Variants in MYO1B observed in about 807,000 individuals in gnomAD.
MYO1B encodes the protein myosin IB.
Under a neutral mutation model 159.7 loss-of-function variants are expected in MYO1B, and 72 were observed. That is an observed-to-expected ratio of 0.45 (90% CI 0.37 to 0.55). MYO1B has a LOEUF of 0.55. Among genes scored for constraint, MYO1B ranks in the 20% least tolerant of loss-of-function variants. MYO1B has a pLI of 0.00. For missense variants in MYO1B, 1,062 were observed against 1,364.8 expected (o/e 0.78, Z 3.50); for synonymous variants, 468 against 473.8 (o/e 0.99, Z 0.16).
At chr2:191,302,702 G>A (rs1453812413) in intron 3 of MYO1B, among the ~76,000 whole-genome samples, 1 of 152,176 alleles carries the variant, frequency 6.6e-6, no homozygotes, top group East Asian at 1.9e-4. Context: ...AGGATATAAT[G>A]TGATGGCCAT....
At position 191,375,498 on chromosome 2, in the gene MYO1B, T is replaced by TAGATAGAC. The variant is rs879281601; in HGVS notation, c.1185+5213_1185+5214insCAGATAGA. Among the ~76,000 whole-genome samples the TAGATAGAC allele has an allele frequency of 9.6e-3, 1,457 of 152,004 alleles. 57 individuals carry two copies. The highest frequency in any genetic ancestry group is 0.073 in the Admixed American group (1,108 of 15,242). ...ATAGATAGATAGATAGATAGATAGA[T>TAGATAGAC]AGATAGATAGATAGATGGATCCAAC... On this transcript the variant is annotated intron_variant, in intron 13 of 30. Coordinates refer to ENST00000392318, the MANE Select transcript of MYO1B (RefSeq NM_001130158.3).
chr2:191,291,621 C>T (rs1046098355), intron 2 of MYO1B, among the ~76,000 whole-genome samples: 23 of 152,196 alleles, frequency 1.5e-4, no homozygotes, highest in African/African-American at 5.1e-4. Flanking sequence ...GGTTCAGAAA[C>T]GTGGAGGGGT....
At chr2:191,265,752 C>G (rs1217002661) in intron 1 of MYO1B, among the ~76,000 whole-genome samples, 2 of 152,194 alleles carry the variant, frequency 1.3e-5, no homozygotes, top group Non-Finnish European at 2.9e-5. Flanking sequence ...GCATGTTCCC[C>G]TGTACAGCTG....
chr2:191,393,912 G>A (rs914276107), intron 20 of MYO1B, among the ~76,000 whole-genome samples: 11 of 152,264 alleles, frequency 7.2e-5, no homozygotes, highest in Non-Finnish European at 1.3e-4. Flanking sequence ...AACTTGGGCT[G>A]TGTTCTCACA....
intron 1 of MYO1B, among the ~76,000 whole-genome samples, chr2:191,247,382 GA>G (rs994452708): frequency 6.6e-6 from 1 of 152,070 alleles, no homozygotes; most frequent in Non-Finnish European, 1.5e-5. Flanking sequence ...TGCTGTGGGG[GA>G]AAAAAATATC....
rs1336185325 is a variant in MYO1B, at chr2:191,383,298, A to G, written c.1309A>G (p.Ile437Val). The G allele has an allele frequency of 2.5e-6, 4 of 1,578,392 alleles. No homozygotes were observed. The East Asian group carries it at 9.7e-5, about 38-fold the overall frequency. Reference protein sequence around the residue: ...YIREDIEWTHIDYFNNAIICD... With the variant: ...YIREDIEWTHVDYFNNAIICD... ...CTTTTAGGATATAGAATGGACTCACATTGACTACTTCAATAATGCTATCAT... is the reference window on the plus strand; with the variant it reads ...CTTTTAGGATATAGAATGGACTCACGTTGACTACTTCAATAATGCTATCAT... Residue 437 changes from isoleucine (I) to valine (V), a missense_variant, in exon 15 of 31, where the codon ATT (isoleucine) becomes GTT (valine). Coordinates refer to ENST00000392318, the MANE Select transcript of MYO1B (RefSeq NM_001130158.3).
At chr2:191,377,216 G>A (rs1044054709) in intron 13 of MYO1B, among the ~76,000 whole-genome samples, 12 of 152,142 alleles carry the variant, frequency 7.9e-5, no homozygotes, top group African/African-American at 2.9e-4. Flanking sequence ...CTTGCTGTTT[G>A]CCTTTGTTCT....
intron 11 of MYO1B, among the ~76,000 whole-genome samples, chr2:191,364,804 C>G (rs1016611800): frequency 1.3e-5 from 2 of 150,370 alleles, no homozygotes; most frequent in Non-Finnish European, 2.9e-5. Flanking sequence ...GAAGTGGTCA[C>G]ATTGTGGATA....
intron 4 of MYO1B, among the ~76,000 whole-genome samples, chr2:191,339,417 T>G (rs1692070685): frequency 6.6e-6 from 1 of 152,226 alleles, no homozygotes; most frequent in African/African-American, 2.4e-5. Context: ...TCACCAGCTT[T>G]TTTCTAGATA....
intron 1 of MYO1B, among the ~76,000 whole-genome samples, chr2:191,264,245 C>G (rs747458512): frequency 6.6e-6 from 1 of 152,158 alleles, no homozygotes; most frequent in Non-Finnish European, 1.5e-5. Flanking sequence ...GATCAATTCT[C>G]AACTAATAAA....
intron 5 of MYO1B, 95 bp from the exon 6 acceptor site, chr2:191,346,141 C>T: frequency 2.1e-6 from 2 of 958,874 alleles, no homozygotes; most frequent in Middle Eastern, 3.1e-4. Flanking sequence ...TTGTATTTTC[C>T]AGAAATCATA....
At chr2:191,382,272 G>A (rs1695086556) in intron 14 of MYO1B, among the ~76,000 whole-genome samples, 1 of 151,388 alleles carries the variant, frequency 6.6e-6, no homozygotes, top group Non-Finnish European at 1.5e-5. Context: ...TATTTTCTTA[G>A]TATCATTTTA....
chr2:191,278,596 A>G (rs1264381971), intron 2 of MYO1B, among the ~76,000 whole-genome samples: 1 of 152,216 alleles, frequency 6.6e-6, no homozygotes, highest in Non-Finnish European at 1.5e-5. Context: ...TCTTAATTGG[A>G]TAACTGGATA....
At chr2:191,413,135 G>A (rs925112780) in intron 27 of MYO1B, among the ~76,000 whole-genome samples, 2 of 152,178 alleles carry the variant, frequency 1.3e-5, no homozygotes, top group African/African-American at 2.4e-5. Flanking sequence ...TAGGACAGAT[G>A]CAAGCGTAAT....
At chr2:191,289,508 A>G (rs1688575409) in intron 2 of MYO1B, among the ~76,000 whole-genome samples, 1 of 152,190 alleles carries the variant, frequency 6.6e-6, no homozygotes, top group Non-Finnish European at 1.5e-5. Context: ...CAGCTGTTCA[A>G]TAGGTTGAGG....
chr2:191,393,096 G>C lies in MYO1B; in HGVS notation c.2100G>C (p.Arg700Ser), dbSNP rs116597747. 2.9e-5 allele frequency: 46 copies of C among 1,613,692 alleles called. No individual in the cohort carries two copies. The highest frequency in any genetic ancestry group is 3.6e-5 in the Non-Finnish European group (42 of 1,179,792). Residue 700 changes from arginine (R) to serine (S), a missense_variant, in exon 20 of 31, where the codon AGG (arginine) becomes AGC (serine). Arg to Ser is a moderately radical substitution (Grantham distance 110). Coordinates refer to ENST00000392318, the MANE Select transcript of MYO1B (RefSeq NM_001130158.3). Reference protein sequence around the residue: ...PRTLFKLEDLRKQRLEDLATL... With the variant: ...PRTLFKLEDLSKQRLEDLATL... The stretch of plus-strand genomic sequence containing the variant: ...AGTTATTCAAATTAGAAGACCTGAG[G>C]AAGCAACGCCTGGAGGACTTGGCCA...
intron 2 of MYO1B, among the ~76,000 whole-genome samples, chr2:191,294,162 C>T (rs563558456): frequency 1.3e-5 from 2 of 152,262 alleles, no homozygotes; most frequent in East Asian, 3.9e-4. Context: ...GAGAAACTTA[C>T]AACTTATTAC....
At chr2:191,246,593 G>T (rs1167187807) in intron 1 of MYO1B, among the ~76,000 whole-genome samples, 1 of 149,620 alleles carries the variant, frequency 6.7e-6, no homozygotes, top group Non-Finnish European at 1.5e-5. Context: ...ATTTTGCTAT[G>T]AACTATGGTA....
chr2:191,354,819 C>G (rs1005197846), intron 7 of MYO1B, among the ~76,000 whole-genome samples: 6 of 152,210 alleles, frequency 3.9e-5, no homozygotes, highest in African/African-American at 1.4e-4. Context: ...TGGGCACCAG[C>G]TTGCACAGTT....
Sources: allele counts gnomAD v4.1 joint callset (sites outside exome capture counted in the v4.1 genomes callset), GRCh38; gene constraint gnomAD v4.1.1; transcripts MANE v1.5; gene names NCBI Gene and HGNC (gene_info 2026-07-23, HGNC 2026-07-21).